RYR1: variants seen among roughly 807,000 people sequenced by gnomAD.
The protein encoded by RYR1 is central core disease of muscle.
RYR1 carries 342 observed loss-of-function variants against 583.5 expected under a neutral mutation model. The observed-to-expected ratio is 0.59, with a 90% confidence interval of 0.54 to 0.64. The LOEUF is 0.64. Among genes scored for constraint, RYR1 ranks in the 30% least tolerant of loss-of-function variants. The probability of loss-of-function intolerance (pLI) is 0.00; values close to 1 mark genes in which losing one functional copy is unlikely to be tolerated. For synonymous variants in RYR1, 2,791 were observed against 2,822.5 expected (o/e 0.99, Z 0.35); for missense variants, 6,032 against 6,917.2 (o/e 0.87, Z 4.54).
chr19:38,451,984 C>A, intron 12 of RYR1, 99 bp downstream of exon 12: 2 of 1,536,902 alleles, frequency 1.3e-6, no homozygotes, highest in Non-Finnish European at 1.8e-6. Context: ...CTGTTGCCCA[C>A]ACCCTTGTCT....
At chr19:38,585,369 G>GAGATATATAT (rs1555805419) in intron 102 of RYR1, among the ~76,000 whole-genome samples, 1 of 141,066 alleles carries the variant, frequency 7.1e-6, no homozygotes, top group African/African-American at 2.6e-5. Flanking sequence ...AAAGGCCTGA[G>GAGATATATAT]ATATATATAT....
Position 38,457,619 on chromosome 19 carries a change from C to T in RYR1, c.1914C>T (p.Asn638=), listed in dbSNP as rs1387703151. Residue 638 remains asparagine, a synonymous_variant, in exon 17 of 106, where the codon AAC becomes AAT. Coordinates refer to ENST00000359596, the MANE Select transcript of RYR1 (RefSeq NM_000540.3). ...TTCTGCTGCAGACAAACCTCATCAA[C>T]TATGTCACCAGGTCTGGCTCTCAAC... ...RELLLQTNLI[N]YVTSIRPNIF... is the part of the protein sequence containing the mutation. The T allele has an allele frequency of 1.2e-6, 2 of 1,614,090 alleles. No individual in the cohort carries two copies. Among genetic ancestry groups the T allele is most frequent in the Admixed American group, 1.7e-5 (1 of 60,002 alleles).
chr19:38,446,863 G>C (rs994167256), intron 9 of RYR1, 95 bp downstream of exon 9: 22 of 976,404 alleles, frequency 2.3e-5, no homozygotes, highest in Non-Finnish European at 3.1e-5. Context: ...ATCTGATAAA[G>C]AGACTGAAGG....
intron 90 of RYR1, among the ~76,000 whole-genome samples, chr19:38,562,569 C>T (rs536939560): frequency 3.7e-4 from 57 of 152,294 alleles, no homozygotes; most frequent in African/African-American, 1.3e-3. Context: ...CCTCAGGGGA[C>T]ACCAGCTCAT....
intron 101 of RYR1, among the ~76,000 whole-genome samples, chr19:38,582,847 C>G (rs1974276368): frequency 6.6e-6 from 1 of 152,148 alleles, no homozygotes; most frequent in African/African-American, 2.4e-5. Context: ...CCGTGGGTTC[C>G]TCCCTGCTCT....
Position 38,448,485 on chromosome 19 carries a change from A to G in RYR1, c.931A>G (p.Thr311Ala). Residue 311 changes from threonine to alanine, a missense_variant, in exon 10 of 106, where the codon ACC becomes GCC. Transcript: ENST00000359596. ...CGCCAGCAAGGCTCACACCAAGGCT[A>G]CCTCCTTCTGCTTCCGCATCTCCAA... ...VDASKAHTKA[T>A]SFCFRISKEK... 1 of 1,613,826 alleles carries G rather than the reference A, an allele frequency of 6.2e-7. No homozygotes were observed. The highest frequency in any genetic ancestry group is 8.5e-7 in the Non-Finnish European group (1 of 1,179,966).
At chr19:38,532,180 G>T (rs1351776861) in intron 76 of RYR1, among the ~76,000 whole-genome samples, 1 of 150,416 alleles carries the variant, frequency 6.6e-6, no homozygotes, top group Non-Finnish European at 1.5e-5. Context: ...GGAGTACGGT[G>T]GCGCAATGTC....
At chr19:38,522,000 G>T (rs1244668404) in intron 67 of RYR1, among the ~76,000 whole-genome samples, 1 of 151,962 alleles carries the variant, frequency 6.6e-6, no homozygotes, top group South Asian at 2.1e-4. Context: ...GAGCCACTGC[G>T]CCCAGCTGAA....
chr19:38,544,359 C>CCTCTT lies in RYR1; in HGVS notation c.12012+485_12012+489dup, dbSNP rs1568558880. ...ACCTTCCATTTCCATAATCCTTGTT[C>CCTCTT]CTCTTTCCCTCACCCCTTTGCAGCC... is the stretch of plus-strand genomic sequence containing the variant. On this transcript the variant is annotated intron_variant, in intron 87 of 105. Coordinates refer to ENST00000359596, the MANE Select transcript of RYR1 (RefSeq NM_000540.3). Among the ~76,000 whole-genome samples, 3 of 152,136 alleles carry CCTCTT rather than the reference C, an allele frequency of 2.0e-5. No homozygotes were observed. The South Asian group carries it at 6.2e-4, about 32-fold the overall frequency.
intron 18 of RYR1, among the ~76,000 whole-genome samples, chr19:38,458,638 A>G (rs537101945): frequency 1.1e-4 from 16 of 151,710 alleles, no homozygotes; most frequent in Admixed American, 3.3e-4. Context: ...TTGTTTGTTT[A>G]TTTTGAAATG....
rs888980812 is a variant in RYR1, at chr19:38,444,857, C to A, written c.631+180C>A. Among the ~76,000 whole-genome samples the A allele has an allele frequency of 6.7e-6, 1 of 148,840 alleles. No homozygotes were observed. Among genetic ancestry groups the A allele is most frequent in the African/African-American group, 2.5e-5 (1 of 40,332 alleles). ...AAATCCAGACCCCCAGAGCTCAGAA[C>A]CCCCCCAAACCCCGAACTAAATATC... On this transcript the variant is annotated intron_variant, in intron 7 of 105. Transcript: ENST00000359596. The surrounding 1 kb of genome is among the most constrained non-coding windows in gnomAD (Gnocchi z 5.1).
intron 31 of RYR1, among the ~76,000 whole-genome samples, chr19:38,480,595 T>C (rs543824708): frequency 7.9e-5 from 12 of 151,670 alleles, no homozygotes; most frequent in Non-Finnish European, 2.9e-5. Flanking sequence ...CACTATCACC[T>C]AAAAGAAAAA....
At chr19:38,441,560 GGGATCGAGGGGCCGAGGGCCTT>G (rs1972685878) in intron 2 of RYR1, among the ~76,000 whole-genome samples, 1 of 151,532 alleles carries the variant, frequency 6.6e-6, no homozygotes, top group African/African-American at 2.4e-5. Flanking sequence ...GAGAGGGCAG[GGGATCGAGGGGCCGAGGGCCTT>G]GGATCCAAGG....
chr19:38,458,292 G>C lies in RYR1; in HGVS notation c.2167G>C (p.Gly723Arg). The change falls in exon 18 of 106, where the codon GGA becomes CGA. Residue 723 changes from glycine (G) to arginine (R), a missense_variant and splice_region_variant. Around this residue, in one of 11 missense-constraint regions of RYR1, gnomAD observed 2,627 missense variants for 2,961.3 expected, o/e 0.89. Coordinates refer to ENST00000359596, the MANE Select transcript of RYR1 (RefSeq NM_000540.3). ...YGFDGLHLWT[G>R]HVARPVTSPG... ...CTTTGATGGACTGCATCTCTGGACA[G>C]GTACCTGACCCCTTCCAGGGGACCC... 1.2e-6 allele frequency: 2 copies of C among 1,613,738 alleles called. No individual in the cohort carries two copies. Among genetic ancestry groups the C allele is most frequent in the Non-Finnish European group, 1.7e-6 (2 of 1,179,956 alleles).
rs140004993 is a variant in RYR1, at chr19:38,443,789, C to T, written c.417C>T (p.Asp139=). Residue 139 remains aspartate, a synonymous_variant, in exon 5 of 106, where the codon GAC becomes GAT. Coordinates refer to ENST00000359596, the MANE Select transcript of RYR1 (RefSeq NM_000540.3). The part of the protein sequence containing the change: ...KLAFDVGLQE[D]ATGEACWWTM... ...CCTTCGATGTGGGACTGCAGGAGGA[C>T]GCAACAGGTGCAGCAGCTGGAGGGG... The T allele has an allele frequency of 4.0e-5, 64 of 1,613,932 alleles. No individual in the cohort carries two copies. In the East Asian group the frequency reaches 8.9e-4, roughly 22 times the overall value.
At chr19:38,506,771 C>A in intron 56 of RYR1, 58 bp from the exon 57 acceptor site, 7 of 1,612,914 alleles carry the variant, frequency 4.3e-6, no homozygotes, top group Non-Finnish European at 5.1e-6. Context: ...GGAACCACTT[C>A]AGTGAGAGTG....
intron 9 of RYR1, among the ~76,000 whole-genome samples, chr19:38,448,151 G>A (rs1423019597): frequency 2.0e-5 from 3 of 152,006 alleles, no homozygotes; most frequent in Non-Finnish European, 4.4e-5. Flanking sequence ...TAGTGTCCAG[G>A]CCGGGTGCAG....
intron 76 of RYR1, 135 bp downstream of exon 76, chr19:38,529,192 A>G: frequency 1.1e-6 from 1 of 880,446 alleles, no homozygotes; most frequent in South Asian, 1.4e-5. Flanking sequence ...TTTAAATATC[A>G]CTTTGCTGGT....
chr19:38,574,277 G>A (rs1201656199), intron 96 of RYR1, among the ~76,000 whole-genome samples: 4 of 141,982 alleles, frequency 2.8e-5, no homozygotes, highest in African/African-American at 2.7e-5. Context: ...AAAAAAAAAG[G>A]AAAAGAAAAA....
Sources: allele counts gnomAD v4.1 joint callset (sites outside exome capture counted in the v4.1 genomes callset), GRCh38; gene constraint gnomAD v4.1.1; regional missense constraint gnomAD v4.1.1; non-coding constraint Gnocchi (gnomAD v3.1); transcripts MANE v1.5; gene names NCBI Gene and HGNC (gene_info 2026-07-23, HGNC 2026-07-21).